Variants in KCTD8 observed in about 807,000 individuals in gnomAD.
KCTD8 encodes the protein BTB/POZ domain-containing protein KCTD8.
A neutral mutation model predicts 31.5 loss-of-function variants in KCTD8; 27 were observed. That is an observed-to-expected ratio of 0.86 (90% CI 0.63 to 1.18). The LOEUF (loss-of-function observed/expected upper bound fraction) is 1.18, where lower values mean the gene tolerates loss of function less well. KCTD8 is among the 50% of genes most tolerant of loss of function. The pLI is 0.00. For missense variants in KCTD8, 658 were observed against 647.7 expected (o/e 1.02, Z -0.17); for synonymous variants, 290 against 280.0 (o/e 1.04, Z -0.36).
intron 1 of KCTD8, among the ~76,000 whole-genome samples, chr4:44,231,496 A>G (rs1281229894): frequency 2.0e-5 from 3 of 152,184 alleles, no homozygotes; most frequent in Non-Finnish European, 4.4e-5. Flanking sequence ...TTTATTTGAG[A>G]TAGCACATGA....
intron 1 of KCTD8, among the ~76,000 whole-genome samples, chr4:44,266,881 C>T (rs1288833266): frequency 1.3e-5 from 2 of 151,580 alleles, no homozygotes; most frequent in African/African-American, 2.4e-5. Context: ...CAGGAGCACC[C>T]AGATTCATAA....
intron 1 of KCTD8, among the ~76,000 whole-genome samples, chr4:44,411,930 T>C (rs575428644): frequency 7.2e-5 from 11 of 152,234 alleles, no homozygotes; most frequent in African/African-American, 2.2e-4. Context: ...AGTGTAGAAG[T>C]GTGATGCAAT....
At chr4:44,355,810 C>A (rs112214381) in intron 1 of KCTD8, among the ~76,000 whole-genome samples, 1 of 152,128 alleles carries the variant, frequency 6.6e-6, no homozygotes, top group South Asian at 2.1e-4. Context: ...TAATATCAAA[C>A]GCAAATTAAG....
At chr4:44,247,380 C>T (rs182929372) in intron 1 of KCTD8, among the ~76,000 whole-genome samples, 4 of 151,974 alleles carry the variant, frequency 2.6e-5, no homozygotes, top group African/African-American at 9.6e-5. Context: ...CCACTATCAA[C>T]ACTGTTTTTG....
intron 1 of KCTD8, among the ~76,000 whole-genome samples, chr4:44,447,208 G>A (rs1035629726): frequency 6.6e-6 from 1 of 152,240 alleles, no homozygotes; most frequent in Non-Finnish European, 1.5e-5. Context: ...GAGGGTCTAT[G>A]CACCCTGCCC....
intron 1 of KCTD8, among the ~76,000 whole-genome samples, chr4:44,361,147 T>C (rs1378745821): frequency 6.6e-6 from 1 of 152,048 alleles, no homozygotes; most frequent in Non-Finnish European, 1.5e-5. Context: ...TCGGGTTCAT[T>C]TACCACATTC....
intron 1 of KCTD8, among the ~76,000 whole-genome samples, chr4:44,381,164 C>G (rs1240379454): frequency 2.0e-5 from 3 of 151,912 alleles, no homozygotes; most frequent in African/African-American, 7.2e-5. Flanking sequence ...GTATTTAACT[C>G]ATATACTAAT....
At chr4:44,295,833 C>A (rs1291392294) in intron 1 of KCTD8, among the ~76,000 whole-genome samples, 1 of 152,140 alleles carries the variant, frequency 6.6e-6, no homozygotes, top group Non-Finnish European at 1.5e-5. Flanking sequence ...TTAGGGAACA[C>A]ATTCTGACTG....
At position 44,447,678 on chromosome 4, in the gene KCTD8, G is replaced by T. The variant is rs201210650; in HGVS notation, c.846C>A (p.Arg282=). ...KFTYLEQAFD[R]LSEAGFHMVA... is the part of the protein sequence containing the mutation. The stretch of plus-strand genomic sequence containing the variant: ...CCATGTGGAAGCCGGCCTCGGACAG[G>T]CGATCAAAGGCCTGCTCCAAGTAGG... Residue 282 remains arginine (R), a synonymous_variant, in exon 1 of 2, where the codon CGC becomes CGA. Coordinates refer to ENST00000360029, the MANE Select transcript of KCTD8 (RefSeq NM_198353.3). The T allele has an allele frequency of 1.9e-6, 3 of 1,612,566 alleles. No homozygotes were observed.
chr4:44,198,653 A>T (rs1326973232), intron 1 of KCTD8, among the ~76,000 whole-genome samples: 1 of 152,220 alleles, frequency 6.6e-6, no homozygotes, highest in Non-Finnish European at 1.5e-5. Context: ...GAGGTCCTTA[A>T]GGAAATGATA....
At chr4:44,413,244 G>A (rs1420218089) in intron 1 of KCTD8, among the ~76,000 whole-genome samples, 2 of 152,128 alleles carry the variant, frequency 1.3e-5, no homozygotes, top group Non-Finnish European at 2.9e-5. Flanking sequence ...ACATCTAAAT[G>A]AGGAAACAGA....
rs1420136262 is a variant in KCTD8, at chr4:44,260,927, A to G, written c.962-85677T>C. On this transcript the variant is annotated intron_variant, in intron 1 of 1. Coordinates refer to ENST00000360029, the MANE Select transcript of KCTD8 (RefSeq NM_198353.3). The stretch of plus-strand genomic sequence containing the variant: ...ACAGACTTCAGTGAAGTAAGACTTA[A>G]AGCAGGGAGATGAGCTAGAACCTAT... Among the ~76,000 whole-genome samples the G allele has an allele frequency of 2.0e-5, 3 of 151,974 alleles. No homozygotes were observed. The South Asian group carries it at 6.2e-4, about 31-fold the overall frequency.
chr4:44,301,670 C>T (rs1717627589), intron 1 of KCTD8, among the ~76,000 whole-genome samples: 1 of 152,118 alleles, frequency 6.6e-6, no homozygotes, highest in Non-Finnish European at 1.5e-5. Context: ...CATAGGTTGC[C>T]TGTTCACTCT....
chr4:44,214,163 C>T (rs1714577640), intron 1 of KCTD8, among the ~76,000 whole-genome samples: 1 of 152,134 alleles, frequency 6.6e-6, no homozygotes, highest in African/African-American at 2.4e-5. Context: ...TCATCTGGCC[C>T]TTCTTTGAAT....
At chr4:44,181,943 C>T (rs1713425579) in intron 1 of KCTD8, among the ~76,000 whole-genome samples, 1 of 142,882 alleles carries the variant, frequency 7.0e-6, no homozygotes, top group South Asian at 2.2e-4. Context: ...CCGGCAGCCG[C>T]CCCCTCTGAG....
chr4:44,388,769 G>T (rs1720290711), intron 1 of KCTD8, among the ~76,000 whole-genome samples: 1 of 151,642 alleles, frequency 6.6e-6, no homozygotes, highest in Non-Finnish European at 1.5e-5. Flanking sequence ...TTAATACCTG[G>T]GTGATGAAAT....
intron 1 of KCTD8, among the ~76,000 whole-genome samples, chr4:44,176,897 A>ATCTATCTATCTATCTATCTATCTC (rs1454842891): frequency 1.3e-5 from 2 of 151,768 alleles, no homozygotes; most frequent in African/African-American, 4.8e-5. Flanking sequence ...CTATCTATCT[A>ATCTATCTATCTATCTATCTATCTC]TCTCAGGGAA....
At chr4:44,214,448 C>T (rs548666234) in intron 1 of KCTD8, among the ~76,000 whole-genome samples, 5 of 152,262 alleles carry the variant, frequency 3.3e-5, no homozygotes, top group South Asian at 4.1e-4. Flanking sequence ...AAAGAGGAAA[C>T]CACATATATC....
chr4:44,446,326 T>G (rs373105614), intron 1 of KCTD8, among the ~76,000 whole-genome samples: 2 of 152,226 alleles, frequency 1.3e-5, no homozygotes, highest in African/African-American at 4.8e-5. Flanking sequence ...CAATTTAAGC[T>G]GGTCTATTTC....
Sources: allele counts gnomAD v4.1 joint callset (sites outside exome capture counted in the v4.1 genomes callset), GRCh38; gene constraint gnomAD v4.1.1; transcripts MANE v1.5; gene names NCBI Gene and HGNC (gene_info 2026-07-23, HGNC 2026-07-21).